ASPSCR1: variants seen among roughly 807,000 people sequenced by gnomAD.
ASPSCR1 encodes ASPSCR1 tether for SLC2A4, UBX domain containing.
Under a neutral mutation model 68.9 loss-of-function variants are expected in ASPSCR1, and 55 were observed. The ratio of observed to expected loss-of-function variants is 0.80; its 90% CI spans 0.64 to 1.00. ASPSCR1 has a LOEUF of 1.00. Ranked by LOEUF, ASPSCR1 falls within the 50% of genes least tolerant of loss-of-function variation. The pLI, the probability that ASPSCR1 is intolerant of heterozygous loss-of-function variation, is 0.00. For missense variants in ASPSCR1, 765 were observed against 762.2 expected (o/e 1.00, Z -0.04); for synonymous variants, 352 against 332.6 (o/e 1.06, Z -0.63).
At chr17:81,979,122 GCC>G in intron 1 of ASPSCR1, 60 bp from the exon 2 acceptor site, 1 of 1,572,062 alleles carries the variant, frequency 6.4e-7, no homozygotes, top group East Asian at 2.2e-5. Context: ...GGCTGACCTG[GCC>G]CACTGCGCCC....
In ASPSCR1 at chr17:82,016,545, G is replaced by A. The variant is rs1402873320; in HGVS notation, c.1405+18G>A. ...GCCGGCAGGTGAGTGTCAGTGGTTG[G>A]GGCCAGTGTCGGAGTCCAGCCAGCC... On this transcript the variant is annotated intron_variant, in intron 13 of 15. Transcript: ENST00000306739. The A allele has an allele frequency of 6.5e-7, 1 of 1,549,322 alleles. No homozygotes were observed. The highest frequency in any genetic ancestry group is 8.7e-7 in the Non-Finnish European group (1 of 1,146,912).
chr17:82,010,276 T>TC (rs2144090446), intron 9 of ASPSCR1, among the ~76,000 whole-genome samples: 2 of 149,332 alleles, frequency 1.3e-5, no homozygotes, highest in East Asian at 4.3e-4. Flanking sequence ...ACGCCTGTAA[T>TC]CCCAGCACTT....
chr17:82,012,013 C>T (rs559215757), intron 11 of ASPSCR1: 24 of 666,860 alleles, frequency 3.6e-5, no homozygotes, highest in Admixed American at 1.9e-4. Flanking sequence ...CCGGGCTGCA[C>T]GGGTGGTGTC....
intron 7 of ASPSCR1, chr17:82,004,948 C>G (rs2042661490): frequency 6.6e-6 from 1 of 152,290 alleles, no homozygotes; most frequent in African/African-American, 2.4e-5. Flanking sequence ...CTGGAAGAGC[C>G]CAGCTGCTCC....
At chr17:82,010,201 CTT>C in intron 9 of ASPSCR1, 2 of 235,044 alleles carry the variant, frequency 8.5e-6, no homozygotes, top group Admixed American at 5.8e-5. Flanking sequence ...GGATTACAGG[CTT>C]GAGCCACCAC....
chr17:81,977,667 C>T lies in ASPSCR1; in HGVS notation c.21C>T (p.Gly7=). 3 of 1,396,120 alleles carry T rather than the reference C, an allele frequency of 2.1e-6. No individual in the cohort carries two copies. The highest frequency in any genetic ancestry group is 2.9e-5 in the Admixed American group (1 of 35,026). 86.5% of individuals were successfully genotyped at this position (1,396,120 alleles called of 1,614,324 possible). ...GGAAAATGGCGGCCCCGGCAGGCGG[C>T]GGAGGCTCCGCGGTGTCGGTGCTGG... MAAPAG[G]GGSAVSVLAP... Residue 7 remains glycine, a synonymous_variant, in exon 1 of 16, where the codon GGC becomes GGT. Transcript: ENST00000306739. This position sits in a 1 kb window ranked among gnomAD's most constrained non-coding sequence, Gnocchi z 5.0.
intron 4 of ASPSCR1, among the ~76,000 whole-genome samples, chr17:81,994,125 C>T (rs936184457): frequency 1.2e-4 from 18 of 152,250 alleles, no homozygotes; most frequent in African/African-American, 3.4e-4. Context: ...GTGCCCGTCT[C>T]CCGGGCTGCC....
rs2042980807 is a variant in ASPSCR1 at position 82,012,402 on chromosome 17, G to A, written c.1353+119G>A. 3 of 1,213,596 alleles carry A rather than the reference G, an allele frequency of 2.5e-6. No individual in the cohort carries two copies. In the Admixed American group the frequency reaches 6.2e-5, roughly 25 times the overall value. The allele number at this position is 1,213,596 out of a possible 1,614,324, so 75.2% of individuals were successfully genotyped here. ...GCAGGCGCTGGGGCAGGATAATAAA[G>A]CCTTTGAGAGCCGGTGGGTTCCGAG... On this transcript the variant is annotated intron_variant, in intron 12 of 15. Transcript: ENST00000306739.
chr17:82,009,218 C>A, intron 8 of ASPSCR1, 27 bp downstream of exon 8: 1 of 1,574,762 alleles, frequency 6.4e-7, no homozygotes, highest in Non-Finnish European at 8.6e-7. Flanking sequence ...TGCCTCCCGG[C>A]ATCTTCGCGC....
chr17:82,010,069 G>T, intron 9 of ASPSCR1: 1 of 334,422 alleles, frequency 3.0e-6, no homozygotes, highest in Non-Finnish European at 5.8e-6. Flanking sequence ...GCTACCACTA[G>T]CTCGGCTAAT....
chr17:81,985,230 G>T (rs952294902), intron 3 of ASPSCR1, among the ~76,000 whole-genome samples: 1 of 148,498 alleles, frequency 6.7e-6, no homozygotes. Flanking sequence ...GCACACCCCC[G>T]CACACACCCA....
At chr17:81,994,612 G>T (rs989867615) in intron 4 of ASPSCR1, among the ~76,000 whole-genome samples, 9 of 152,220 alleles carry the variant, frequency 5.9e-5, no homozygotes, top group African/African-American at 2.2e-4. Flanking sequence ...CCTTGGGAGC[G>T]CCCCCGGCTG....
intron 7 of ASPSCR1, among the ~76,000 whole-genome samples, chr17:82,000,818 CT>C (rs1181166520): frequency 2.6e-5 from 4 of 152,068 alleles, no homozygotes; most frequent in Admixed American, 6.5e-5. Flanking sequence ...CCGGCGCCCC[CT>C]GGCCCTGTCT....
In ASPSCR1 at chr17:81,983,437, G is replaced by A. The variant is rs935195271; in HGVS notation, c.159-117G>A. ...CGCTGTTGGGGAGCTGCCACAGGAC[G>A]TGGATGGCGGGGCGTGGATGGCGGG... On this transcript the variant is annotated intron_variant, in intron 2 of 15. Transcript: ENST00000306739. The surrounding 1 kb of genome is among the most constrained non-coding windows in gnomAD (Gnocchi z 4.4). The A allele has an allele frequency of 2.3e-5, 19 of 821,810 alleles. No individual in the cohort carries two copies. Among genetic ancestry groups the A allele is most frequent in the African/African-American group, 1.2e-4 (7 of 58,812 alleles). The allele number at this position is 821,810 out of a possible 1,614,324, so 50.9% of individuals were successfully genotyped here.
chr17:82,010,084 G>GATTT, intron 9 of ASPSCR1: 1 of 251,560 alleles, frequency 4.0e-6, no homozygotes, highest in Non-Finnish European at 7.8e-6. Flanking sequence ...GCTAATTTTT[G>GATTT]TTGTTTTTTT....
Position 81,996,774 on chromosome 17 carries a change from G to A in ASPSCR1, c.861G>A (p.Ser287=), listed in dbSNP as rs879628150. The change falls in exon 7 of 16, where the codon TCG becomes TCA. Residue 287 remains serine, a synonymous_variant. Coordinates refer to ENST00000306739, the MANE Select transcript of ASPSCR1 (RefSeq NM_024083.4). ...CCTCCAAGCCAAAGAAGTCCAAGTC[G>A]GGCCAGGATCCCCAGCAGGAGCAGG... ...GGPSKPKKSK[S]GQDPQQEQEQ... 4 of 1,612,084 alleles carry A rather than the reference G, an allele frequency of 2.5e-6. No homozygotes were observed. The highest frequency in any genetic ancestry group is 3.4e-6 in the Non-Finnish European group (4 of 1,179,578).
At chr17:81,984,605 A>G (rs2144003410) in intron 3 of ASPSCR1, among the ~76,000 whole-genome samples, 1 of 151,608 alleles carries the variant, frequency 6.6e-6, no homozygotes, top group Non-Finnish European at 1.5e-5. Context: ...AGCAGCAAAC[A>G]TTTACCATCT....
intron 4 of ASPSCR1, among the ~76,000 whole-genome samples, chr17:81,989,192 A>G (rs544797022): frequency 2.0e-5 from 3 of 152,338 alleles, no homozygotes; most frequent in Admixed American, 2.0e-4. Flanking sequence ...TGGGCGACAG[A>G]GCAAGACTCT....
At chr17:81,981,840 A>G in intron 2 of ASPSCR1, among the ~76,000 whole-genome samples, 1 of 151,660 alleles carries the variant, frequency 6.6e-6, no homozygotes, top group Non-Finnish European at 1.5e-5. Flanking sequence ...TAATTTTTGT[A>G]TTTTTAGTAG....
Sources: gnomAD v4.1 joint callset for allele counts (sites outside exome capture counted in the v4.1 genomes callset) on GRCh38, gnomAD v4.1.1 for gene constraint, Gnocchi (gnomAD v3.1) non-coding constraint, MANE v1.5 for transcripts, NCBI Gene and HGNC (gene_info 2026-07-23, HGNC 2026-07-21) for gene names.